CASK: variants seen among roughly 807,000 people sequenced by gnomAD.
The protein encoded by CASK is calcium/calmodulin dependent serine protein kinase.
A neutral mutation model predicts 82.9 loss-of-function variants in CASK; 4 were observed. The observed-to-expected ratio is 0.05, with a 90% CI of 0.02 to 0.11. CASK has a LOEUF of 0.11. CASK is among the 10% of genes least tolerant of loss of function. The pLI, the probability that CASK is intolerant of heterozygous loss-of-function variation, is 1.00. For missense variants in CASK, 358 were observed against 720.9 expected (o/e 0.50, Z 5.76); for synonymous variants, 259 against 253.5 (o/e 1.02, Z -0.20).
intron 10 of CASK, among the ~76,000 whole-genome samples, chrX:41,624,491 T>C (rs1448987825): frequency 1.8e-5 from 2 of 112,554 alleles, no homozygotes; most frequent in African/African-American, 6.5e-5. Flanking sequence ...AATGAGGAAC[T>C]GTATAACTGC....
rs1248220161 is a variant in CASK at position 41,815,865 on chromosome X, CAA to C, written c.173-28584_173-28583del. ...AATTGCATAAAACCAGTGATAAAAA[CAA>C]AGTTTTTTTTTGAGACAGGATCTGG... On this transcript the variant is annotated intron_variant, in intron 2 of 26. Coordinates refer to ENST00000378163, the MANE Select transcript of CASK (RefSeq NM_001367721.1). Among the ~76,000 whole-genome samples, 4 of 111,733 alleles carry C rather than the reference CAA, an allele frequency of 3.6e-5. No homozygotes were observed. The East Asian group carries it at 8.5e-4, about 24-fold the overall frequency.
At chrX:41,788,300 T>TATCATC (rs200812149) in intron 2 of CASK, among the ~76,000 whole-genome samples, 2 of 110,789 alleles carry the variant, frequency 1.8e-5, no homozygotes, top group Non-Finnish European at 3.8e-5. Flanking sequence ...AAGTTGTTAA[T>TATCATC]ATCATCATCA....
At chrX:41,764,392 C>A (rs1031753163) in intron 3 of CASK, among the ~76,000 whole-genome samples, 3 of 110,887 alleles carry the variant, frequency 2.7e-5, no homozygotes, top group Non-Finnish European at 5.7e-5. Context: ...ATCTAAGTAG[C>A]AACCATTCCC....
intron 1 of CASK, among the ~76,000 whole-genome samples, chrX:41,865,931 G>A (rs1187915162): frequency 8.9e-6 from 1 of 111,892 alleles, no homozygotes; most frequent in Non-Finnish European, 1.9e-5. Context: ...TGGGGCCTGG[G>A]TCTCCTTAAG....
At chrX:41,778,564 T>G (rs749733327) in intron 3 of CASK, among the ~76,000 whole-genome samples, 114 of 111,987 alleles carry the variant, frequency 1.0e-3, no homozygotes, top group African/African-American at 3.5e-3. Flanking sequence ...CAAACTATAC[T>G]TCTTTTAAAT....
At chrX:41,733,753 A>AAAAT (rs1456702178) in intron 5 of CASK, among the ~76,000 whole-genome samples, 2 of 110,678 alleles carry the variant, frequency 1.8e-5, no homozygotes, top group African/African-American at 6.6e-5. Context: ...TGTCTCAAAA[A>AAAAT]AAATAAATAA....
chrX:41,657,238 A>G (rs1249110128), intron 8 of CASK, among the ~76,000 whole-genome samples: 2 of 112,779 alleles, frequency 1.8e-5, no homozygotes, highest in African/African-American at 6.4e-5. Flanking sequence ...TTATGAATTC[A>G]GGGAAATCCA....
At chrX:41,625,594 C>G (rs774781179) in intron 10 of CASK, among the ~76,000 whole-genome samples, 7 of 110,494 alleles carry the variant, frequency 6.3e-5, no homozygotes. Context: ...CTCAGGTGAT[C>G]CCCCTGAGCC....
chrX:41,634,565 A>G (rs755996254), intron 9 of CASK, among the ~76,000 whole-genome samples: 127 of 112,603 alleles, frequency 1.1e-3, no homozygotes, highest in Non-Finnish European at 1.9e-3. Context: ...CGGGAGAAGT[A>G]CAGCATGTGT....
At chrX:41,856,749 T>C (rs1163694512) in intron 1 of CASK, among the ~76,000 whole-genome samples, 1 of 94,859 alleles carries the variant, frequency 1.1e-5, no homozygotes, top group Non-Finnish European at 2.0e-5. Context: ...TGAGCCAAGA[T>C]CGCACCACTG....
intron 3 of CASK, among the ~76,000 whole-genome samples, chrX:41,758,609 G>C (rs1185184932): frequency 3.6e-5 from 4 of 110,846 alleles, no homozygotes; most frequent in Non-Finnish European, 3.8e-5. Flanking sequence ...ATAAGGCCTG[G>C]AGCACCAGGA....
At chrX:41,741,653 C>T (rs760157120) in intron 4 of CASK, among the ~76,000 whole-genome samples, 11 of 111,817 alleles carry the variant, frequency 9.8e-5, no homozygotes, top group Non-Finnish European at 1.9e-4. Flanking sequence ...ATCTTTGCGG[C>T]GTGTGTGGAG....
intron 5 of CASK, among the ~76,000 whole-genome samples, chrX:41,684,383 G>A (rs2067408429): frequency 8.9e-6 from 1 of 111,939 alleles, no homozygotes; most frequent in South Asian, 3.7e-4. Context: ...TAATCATGAA[G>A]GAACCCTGGG....
chrX:41,582,420 A>G (rs1314577159), intron 14 of CASK, among the ~76,000 whole-genome samples: 1 of 111,084 alleles, frequency 9.0e-6, no homozygotes, highest in Non-Finnish European at 1.9e-5. Flanking sequence ...CGTTCAAGAG[A>G]TTCTCCTGCC....
At chrX:41,662,505 T>C (rs1485630558) in intron 7 of CASK, among the ~76,000 whole-genome samples, 2 of 111,657 alleles carry the variant, frequency 1.8e-5, no homozygotes, top group African/African-American at 6.5e-5. Context: ...GGTGATGAAA[T>C]GTGGCCGGGT....
chrX:41,901,803 G>A (rs1245155025), intron 1 of CASK, among the ~76,000 whole-genome samples: 1 of 112,065 alleles, frequency 8.9e-6, no homozygotes, highest in African/African-American at 3.2e-5. Context: ...TATTCACAGG[G>A]GCCAGTGTGA....
At chrX:41,677,479 A>C (rs2067287928) in intron 5 of CASK, among the ~76,000 whole-genome samples, 1 of 112,097 alleles carries the variant, frequency 8.9e-6, no homozygotes, top group Admixed American at 9.5e-5. Flanking sequence ...AATGATTAGT[A>C]GTCATCAATG....
intron 5 of CASK, among the ~76,000 whole-genome samples, chrX:41,676,924 G>C (rs2067275958): frequency 8.9e-6 from 1 of 111,759 alleles, no homozygotes; most frequent in Admixed American, 9.5e-5. Flanking sequence ...ATAACAATTA[G>C]TTTTCTGGTC....
At chrX:41,904,434 A>C (rs773448215) in intron 1 of CASK, among the ~76,000 whole-genome samples, 4 of 112,181 alleles carry the variant, frequency 3.6e-5, no homozygotes, top group Admixed American at 9.5e-5. Flanking sequence ...CCACAGCATA[A>C]TATATGAAAT....
Sources: gnomAD v4.1 joint callset for allele counts (sites outside exome capture counted in the v4.1 genomes callset) on GRCh38, gnomAD v4.1.1 for gene constraint, MANE v1.5 for transcripts, NCBI Gene and HGNC (gene_info 2026-07-23, HGNC 2026-07-21) for gene names.